The following FAM200B variants were observed in gnomAD, a reference collection of about 807,000 sequenced individuals.
FAM200B encodes zinc finger BED-type containing 11.
In FAM200B, 32 loss-of-function variants were observed where a neutral mutation model predicts 33.1. That is an observed-to-expected ratio of 0.97 (90% CI 0.73 to 1.30). FAM200B has a LOEUF of 1.30. Among genes scored for constraint, FAM200B ranks in the 50% most tolerant of loss-of-function variants. The pLI, the probability that FAM200B is intolerant of heterozygous loss-of-function variation, is 0.00. For synonymous variants in FAM200B, 240 were observed against 264.8 expected (o/e 0.91, Z 0.91); for missense variants, 741 against 754.0 (o/e 0.98, Z 0.20).
In FAM200B at chr4:15,686,807, T is replaced by C. The variant is rs943962277; in HGVS notation, c.-171T>C. The C allele has an allele frequency of 5.4e-5, 23 of 423,556 alleles. No individual in the cohort carries two copies. The Admixed American group carries it at 8.2e-4, about 15-fold the overall frequency. The allele number at this position is 423,556 out of a possible 1,614,324, so 26.2% of individuals were successfully genotyped here. ...ACGGTTAATGTTCTATAGTCAAGTT[T>C]TATATTACAATTACTTGCAACTAGT... is the stretch of plus-strand genomic sequence containing the variant. On this transcript the variant is annotated 5_prime_UTR_variant, in exon 2 of 2. Transcript: ENST00000422728.
In FAM200B at chr4:15,688,332, A is replaced by C; in HGVS notation, c.1355A>C (p.Asp452Ala). 6.5e-7 allele frequency: 1 copy of C among 1,550,292 alleles called. No homozygotes were observed. Among genetic ancestry groups the C allele is most frequent in the Non-Finnish European group, 8.7e-7 (1 of 1,145,812 alleles). The change falls in exon 2 of 2, where the codon GAT (aspartate) becomes GCT (alanine). Residue 452 changes from aspartate to alanine, a missense_variant. Physicochemically the swap from Asp to Ala is moderately radical, Grantham distance 126. Coordinates refer to ENST00000422728, the MANE Select transcript of FAM200B (RefSeq NM_001145191.2). ...LSLKLQGKNS[D>A]VFQHVERIQG... ...TTAAAACTACAGGGGAAAAACAGTG[A>C]TGTATTCCAACATGTTGAACGTATC...
upstream of FAM200B, among the ~76,000 whole-genome samples, chr4:15,680,756 C>T (rs1300604087): frequency 1.3e-5 from 2 of 151,708 alleles, no homozygotes; most frequent in Non-Finnish European, 2.9e-5. Context: ...AAGTAAGTAG[C>T]TTGAGAAAGA....
upstream of FAM200B, among the ~76,000 whole-genome samples, chr4:15,679,730 A>C (rs1718136305): frequency 6.6e-6 from 1 of 151,984 alleles, no homozygotes; most frequent in Non-Finnish European, 1.5e-5. Context: ...ATCTATCAAA[A>C]AATCCCAATT....
At chr4:15,655,456 T>C in the FAM200B span, 181 of 903,980 alleles carry the variant, frequency 2.0e-4, no homozygotes, top group Non-Finnish European at 2.4e-4. Context: ...GCCGCCGCCA[T>C]GCGATCCCTG....
chr4:15,677,851 T>C (rs1718052464), upstream of FAM200B, among the ~76,000 whole-genome samples: 1 of 152,186 alleles, frequency 6.6e-6, no homozygotes. Context: ...GGAGTCAGCC[T>C]GGAAGAAGTC....
the FAM200B span, among the ~76,000 whole-genome samples, chr4:15,658,234 A>G: frequency 6.6e-6 from 1 of 152,252 alleles, no homozygotes; most frequent in Admixed American, 6.5e-5. Context: ...CAATGAAAGA[A>G]TGTTTACGTT....
chr4:15,655,306 C>A, the FAM200B span: 3 of 1,384,952 alleles, frequency 2.2e-6, no homozygotes, highest in Non-Finnish European at 1.9e-6. Context: ...CCTCAGCCTC[C>A]GCCTCAGCAG....
At chr4:15,660,507 T>G in the FAM200B span, among the ~76,000 whole-genome samples, 1 of 152,214 alleles carries the variant, frequency 6.6e-6, no homozygotes, top group Non-Finnish European at 1.5e-5. Context: ...ATCTTATTTG[T>G]GTTCACTGAC....
chr4:15,640,964 A>G, the FAM200B span: 4 of 691,624 alleles, frequency 5.8e-6, no homozygotes, highest in Non-Finnish European at 9.4e-6. Flanking sequence ...TTAAAATGTG[A>G]CATAAAACCT....
the FAM200B span, among the ~76,000 whole-genome samples, chr4:15,651,819 T>C: frequency 3.3e-5 from 5 of 152,356 alleles, no homozygotes; most frequent in East Asian, 7.7e-4. Context: ...TTTTAATAAC[T>C]GGTTTATATA....
chr4:15,668,460 TA>T, the FAM200B span, among the ~76,000 whole-genome samples: 3 of 152,158 alleles, frequency 2.0e-5, no homozygotes, highest in Non-Finnish European at 4.4e-5. Context: ...CACATTCTTT[TA>T]TTTTTTTTTG....
chr4:15,652,373 T>C, the FAM200B span, among the ~76,000 whole-genome samples: 3 of 152,202 alleles, frequency 2.0e-5, no homozygotes, highest in Admixed American at 1.3e-4. Context: ...TTATGTAACC[T>C]TGGCCTAGCT....
rs965833816 is a variant in FAM200B, at chr4:15,689,694, T to A, written c.*743T>A. The A allele has an allele frequency of 6.3e-6, 1 of 158,392 alleles. No individual in the cohort carries two copies. Among genetic ancestry groups the A allele is most frequent in the African/African-American group, 2.4e-5 (1 of 41,418 alleles). 9.8% of individuals were successfully genotyped at this position (158,392 alleles called of 1,614,324 possible). A position where few individuals can be genotyped will look rare whatever the true frequency, so the allele number is the denominator to read the frequency against. On this transcript the variant is annotated 3_prime_UTR_variant, in exon 2 of 2. Transcript: ENST00000422728. ...CAGGAGGCTGTGGCAGGAGGGTCGCTTGACCTCAGGAGTTTGAAGTTGCAG... is the reference window on the plus strand; with the variant it reads ...CAGGAGGCTGTGGCAGGAGGGTCGCATGACCTCAGGAGTTTGAAGTTGCAG...
chr4:15,649,375 C>T, the FAM200B span, among the ~76,000 whole-genome samples: 2 of 151,928 alleles, frequency 1.3e-5, no homozygotes, highest in African/African-American at 4.8e-5. Context: ...GTTAAGAGAT[C>T]TAGGCCAACA....
chr4:15,677,842 G>C (rs1326974427), upstream of FAM200B, among the ~76,000 whole-genome samples: 1 of 152,174 alleles, frequency 6.6e-6, no homozygotes, highest in Non-Finnish European at 1.5e-5. Context: ...CCCAAATATG[G>C]AGTCAGCCTG....
chr4:15,681,709 C>G (rs539886270), upstream of FAM200B: 32 of 152,828 alleles, frequency 2.1e-4, no homozygotes, highest in Non-Finnish European at 4.2e-4. Flanking sequence ...CCCGGCACCC[C>G]CGGACACCGC....
the FAM200B span, among the ~76,000 whole-genome samples, chr4:15,665,209 T>C: frequency 6.6e-6 from 1 of 152,154 alleles, no homozygotes; most frequent in Admixed American, 6.5e-5. Flanking sequence ...TTGTGACATA[T>C]TGTTAAAAGG....
At chr4:15,646,181 C>A in the FAM200B span, among the ~76,000 whole-genome samples, 16 of 152,152 alleles carry the variant, frequency 1.1e-4, no homozygotes, top group African/African-American at 3.9e-4. Flanking sequence ...AAATGAATGA[C>A]TGTAGCTGTA....
At chr4:15,651,633 A>T in the FAM200B span, among the ~76,000 whole-genome samples, 2 of 152,294 alleles carry the variant, frequency 1.3e-5, 1 homozygote. Context: ...CTCATTTTTT[A>T]AAAAAGGATA....
Sources: gnomAD v4.1 joint callset for allele counts (sites outside exome capture counted in the v4.1 genomes callset) on GRCh38, gnomAD v4.1.1 for gene constraint, MANE v1.5 for transcripts, NCBI Gene and HGNC (gene_info 2026-07-23, HGNC 2026-07-21) for gene names.